The following MRPS27 variants were observed in gnomAD, a reference collection of about 807,000 sequenced individuals.
MRPS27 encodes small ribosomal subunit protein mS27.
MRPS27 carries 43 observed loss-of-function variants against 48.9 expected under a neutral mutation model. The ratio of observed to expected loss-of-function variants is 0.88; its 90% CI spans 0.69 to 1.13. MRPS27 has a LOEUF of 1.13. Among genes scored for constraint, MRPS27 ranks in the 50% most tolerant of loss-of-function variants. The pLI is 0.00. For missense variants in MRPS27, 467 were observed against 476.3 expected (o/e 0.98, Z 0.18); for synonymous variants, 188 against 171.9 (o/e 1.09, Z -0.73).
Position 72,220,806 on chromosome 5 carries a change from A to T in MRPS27, c.*103T>A, listed in dbSNP as rs970138396. On this transcript the variant is annotated 3_prime_UTR_variant, in exon 11 of 11. Transcript: ENST00000261413. Reference sequence around the variant, plus strand: ...GCACATAGCCTGCTTTAAGAAAAGAAGATGGGTAGAGGAAGCTGAGGCTGT... The same window carrying T: ...GCACATAGCCTGCTTTAAGAAAAGATGATGGGTAGAGGAAGCTGAGGCTGT... The T allele has an allele frequency of 2.7e-6, 4 of 1,497,268 alleles. No homozygotes were observed. Among genetic ancestry groups the T allele is most frequent in the African/African-American group, 1.4e-5 (1 of 71,424 alleles). The allele number at this position is 1,497,268 out of a possible 1,614,324, so 92.7% of individuals were successfully genotyped here.
At chr5:72,248,333 A>C (rs1335369148) in intron 4 of MRPS27, among the ~76,000 whole-genome samples, 1 of 152,208 alleles carries the variant, frequency 6.6e-6, no homozygotes, top group Non-Finnish European at 1.5e-5. Flanking sequence ...ACAATTCTGA[A>C]TATGAAAGAG....
At chr5:72,291,559 G>GA (rs1442122494) in intron 4 of MRPS27, among the ~76,000 whole-genome samples, 3 of 152,156 alleles carry the variant, frequency 2.0e-5, no homozygotes, top group Non-Finnish European at 2.9e-5. Flanking sequence ...AATGTGATAT[G>GA]AAAAAATCAA....
At chr5:72,300,903 C>A (rs1200142293) in intron 2 of MRPS27, among the ~76,000 whole-genome samples, 4 of 152,124 alleles carry the variant, frequency 2.6e-5, no homozygotes, top group Non-Finnish European at 5.9e-5. Context: ...AAAATAAAAT[C>A]CATATAATTA....
At chr5:72,315,030 A>G (rs1327699402) in intron 1 of MRPS27, among the ~76,000 whole-genome samples, 3 of 152,230 alleles carry the variant, frequency 2.0e-5, no homozygotes, top group Non-Finnish European at 4.4e-5. Context: ...TCCTGGCACA[A>G]TGCCTAGCCT....
At chr5:72,267,062 A>C (rs1420470174) in intron 4 of MRPS27, among the ~76,000 whole-genome samples, 1 of 152,170 alleles carries the variant, frequency 6.6e-6, no homozygotes, top group East Asian at 1.9e-4. Flanking sequence ...GCACTTCTAC[A>C]TGTATGAGGT....
chr5:72,249,007 G>A (rs1038676780), intron 4 of MRPS27, among the ~76,000 whole-genome samples: 2 of 152,194 alleles, frequency 1.3e-5, no homozygotes, highest in African/African-American at 4.8e-5. Context: ...TCCTTTATGA[G>A]TGCACATTAA....
At chr5:72,311,505 T>C (rs1750440087) in intron 2 of MRPS27, among the ~76,000 whole-genome samples, 1 of 152,230 alleles carries the variant, frequency 6.6e-6, no homozygotes, top group Non-Finnish European at 1.5e-5. Context: ...CTCTGATGAA[T>C]GAATTAATCC....
At chr5:72,308,250 C>G (rs1420451404) in intron 2 of MRPS27, among the ~76,000 whole-genome samples, 2 of 152,248 alleles carry the variant, frequency 1.3e-5, no homozygotes, top group Non-Finnish European at 2.9e-5. Flanking sequence ...CAAGCCCACT[C>G]CGAGAGGCCA....
intron 3 of MRPS27, among the ~76,000 whole-genome samples, chr5:72,297,179 T>C (rs575664357): frequency 2.6e-5 from 4 of 152,332 alleles, no homozygotes; most frequent in East Asian, 3.9e-4. Context: ...TCAGTAATGG[T>C]TACTATTCCT....
Position 72,228,295 on chromosome 5 carries a change from C to A in MRPS27, c.665G>T (p.Ser222Ile), listed in dbSNP as rs535999923. The change falls in exon 8 of 11, where the codon AGT becomes ATT. Residue 222 changes from serine (S) to isoleucine (I), a missense_variant. Coordinates refer to ENST00000261413, the MANE Select transcript of MRPS27 (RefSeq NM_015084.3). ...AAGTGCATAGCCATACAACTGGGAA[C>A]TGAAACCCACTGAGTTCTTTTGTTT... ...GLKQKNSVGF[S>I]SQLYGYALLG... is the part of the protein sequence containing the mutation. 6.2e-7 allele frequency: 1 copy of A among 1,613,636 alleles called. No individual in the cohort carries two copies. The highest frequency in any genetic ancestry group is 1.7e-5 in the Admixed American group (1 of 59,964).
In MRPS27 at chr5:72,220,643, C is replaced by G. The variant is rs1481884845; in HGVS notation, c.*266G>C. 4.3e-6 allele frequency: 2 copies of G among 469,182 alleles called. No individual in the cohort carries two copies. Among genetic ancestry groups the G allele is most frequent in the African/African-American group, 3.9e-5 (2 of 51,368 alleles). 29.1% of individuals were successfully genotyped at this position (469,182 alleles called of 1,614,324 possible). On this transcript the variant is annotated 3_prime_UTR_variant, in exon 11 of 11. Coordinates refer to ENST00000261413, the MANE Select transcript of MRPS27 (RefSeq NM_015084.3). The stretch of plus-strand genomic sequence containing the variant: ...ATGCTCATAACTAATCCCTGTGCCC[C>G]AGGAACTCCATTATGAGCCTCAAGA...
At position 72,226,075 on chromosome 5, in the gene MRPS27, T is replaced by A; in HGVS notation, c.819A>T (p.Ile273=). The A allele has an allele frequency of 1.2e-6, 2 of 1,613,752 alleles. No homozygotes were observed. The highest frequency in any genetic ancestry group is 1.7e-6 in the Non-Finnish European group (2 of 1,179,778). The stretch of plus-strand genomic sequence containing the variant: ...AACATACCGCTTCTCTACACAGCTT[T>A]ATGTCTTCTGGGGAGGCAGCCACTT... The part of the protein sequence containing the change: ...MEKVAASPED[I]KLCREALDVL... The change falls in exon 9 of 11, where the codon ATA becomes ATT. Residue 273 remains isoleucine, a synonymous_variant. Transcript: ENST00000261413.
At chr5:72,297,814 T>G (rs1233359382) in intron 2 of MRPS27, 112 bp from the exon 3 acceptor site, 2 of 468,134 alleles carry the variant, frequency 4.3e-6, no homozygotes, top group African/African-American at 4.1e-5. Context: ...TTCTTGCTTT[T>G]TAGAAATTAT....
In MRPS27 at chr5:72,298,002, T is replaced by A. The variant is rs557443468; in HGVS notation, c.152-300A>T. Among the ~76,000 whole-genome samples, 4 of 152,330 alleles carry A rather than the reference T, an allele frequency of 2.6e-5. No individual in the cohort carries two copies. In the South Asian group the frequency reaches 8.3e-4, roughly 32 times the overall value. ...GACATCGGCCTTCAGAAAGAATTTA[T>A]GACTAAGTCCTCAAAAGCAATTGCA... On this transcript the variant is annotated intron_variant, in intron 2 of 10. Transcript: ENST00000261413.
intron 2 of MRPS27, among the ~76,000 whole-genome samples, chr5:72,303,935 C>A (rs2112075694): frequency 7.6e-6 from 1 of 131,626 alleles, no homozygotes; most frequent in African/African-American, 2.8e-5. Flanking sequence ...CATTTTTGGA[C>A]AAACAAAAAC....
chr5:72,297,727 A>G (rs1750017931), intron 2 of MRPS27, 25 bp from the exon 3 acceptor site: 2 of 1,481,324 alleles, frequency 1.4e-6, no homozygotes, highest in Non-Finnish European at 1.8e-6. Context: ...AAAGAAAAAA[A>G]ACCTTGTTAA....
intron 4 of MRPS27, among the ~76,000 whole-genome samples, chr5:72,248,552 C>T (rs115138971): frequency 0.017 from 2,631 of 151,768 alleles, 50 homozygotes; most frequent in Non-Finnish European, 0.022. Flanking sequence ...CAATGTGACT[C>T]AGGCAGCTTT....
intron 4 of MRPS27, among the ~76,000 whole-genome samples, chr5:72,289,576 C>T (rs1277631678): frequency 1.3e-5 from 2 of 152,032 alleles, no homozygotes; most frequent in African/African-American, 4.8e-5. Flanking sequence ...TGTGCACCAC[C>T]ACACCCGGCT....
intron 1 of MRPS27, 82 bp from the exon 2 acceptor site, chr5:72,314,240 A>G: frequency 1.0e-6 from 1 of 964,380 alleles, no homozygotes; most frequent in South Asian, 1.5e-5. Flanking sequence ...TATCTTCACT[A>G]TCCTTTCAAC....
Sources: allele counts gnomAD v4.1 joint callset (sites outside exome capture counted in the v4.1 genomes callset), GRCh38; gene constraint gnomAD v4.1.1; transcripts MANE v1.5; gene names NCBI Gene and HGNC (gene_info 2026-07-23, HGNC 2026-07-21).